Variants in FAM117B observed in about 807,000 individuals in gnomAD.
The protein encoded by FAM117B is protein FAM117B.
A neutral mutation model predicts 52.8 loss-of-function variants in FAM117B; 22 were observed. The observed-to-expected ratio is 0.42, with a 90% CI of 0.30 to 0.59. The LOEUF is 0.59. Among genes scored for constraint, FAM117B ranks in the 20% least tolerant of loss-of-function variants. The pLI is 0.22. For missense variants in FAM117B, 678 were observed against 802.6 expected, an observed-to-expected ratio of 0.84 and a Z score of 1.88; for synonymous variants, 309 against 324.1, an observed-to-expected ratio of 0.95 and a Z score of 0.50.
chr2:202,671,214 T>G (rs1690295091), intron 1 of FAM117B, among the ~76,000 whole-genome samples: 1 of 152,250 alleles, frequency 6.6e-6, no homozygotes, highest in Non-Finnish European at 1.5e-5. Flanking sequence ...AAGAAGACCC[T>G]GAGACAAGGA....
At chr2:202,742,981 ACCACTG>A (rs1433625410) in intron 4 of FAM117B, among the ~76,000 whole-genome samples, 1 of 152,158 alleles carries the variant, frequency 6.6e-6, no homozygotes, top group Non-Finnish European at 1.5e-5. Flanking sequence ...TACTCAGTCC[ACCACTG>A]CTACTGCACT....
At chr2:202,679,335 A>G (rs1462659463) in intron 1 of FAM117B, among the ~76,000 whole-genome samples, 1 of 152,222 alleles carries the variant, frequency 6.6e-6, no homozygotes, top group African/African-American at 2.4e-5. Context: ...GATTTGAGAT[A>G]GGGATTGGAA....
intron 1 of FAM117B, among the ~76,000 whole-genome samples, chr2:202,640,970 G>A (rs181730793): frequency 2.5e-4 from 38 of 152,272 alleles, no homozygotes; most frequent in African/African-American, 9.1e-4. Flanking sequence ...AGACAAAGTA[G>A]AAACTATTAG....
At chr2:202,662,136 G>A (rs116487316) in intron 1 of FAM117B, among the ~76,000 whole-genome samples, 2,518 of 151,686 alleles carry the variant, frequency 0.017, 31 homozygotes, top group Middle Eastern at 0.034. Flanking sequence ...GTGTGTGTGT[G>A]TGTATGTGTG....
Position 202,757,322 on chromosome 2 carries a change from A to T in FAM117B, c.1214A>T (p.Asn405Ile). 1 of 1,614,124 alleles carries T rather than the reference A, an allele frequency of 6.2e-7. No individual in the cohort carries two copies. Among genetic ancestry groups the T allele is most frequent in the Non-Finnish European group, 8.5e-7 (1 of 1,180,034 alleles). Residue 405 changes from asparagine (N) to isoleucine (I), a missense_variant, in exon 6 of 8, where the codon AAC (asparagine) becomes ATC (isoleucine). By Grantham distance (149) the Asn-to-Ile change is moderately radical (BLOSUM62 -3). Around this residue, in one of 3 missense-constraint regions of FAM117B, gnomAD observed 583 missense variants for 644.8 expected, o/e 0.90. Transcript: ENST00000392238. ...CCTGGTGGGGCAGACAGGGGAAGCAACAACAGCAGCCGTTCCCAGTCCGTG... is the reference window on the plus strand; with the variant it reads ...CCTGGTGGGGCAGACAGGGGAAGCATCAACAGCAGCCGTTCCCAGTCCGTG... ...QTPGGADRGS[N>I]NSSRSQSVSP...
Position 202,757,275 on chromosome 2 carries a change from G to A in FAM117B, c.1167G>A (p.Thr389=), listed in dbSNP as rs777127432. The change falls in exon 6 of 8, where the codon ACG becomes ACA. Residue 389 remains threonine (T), a synonymous_variant. Transcript: ENST00000392238. ...PPPLVQRSSS[T]RSIDTQTPGG... ...CCCTTGTACAGAGAAGTAGCAGCAC[G>A]CGCAGCATTGACACACAGACGCCTG... 32 of 1,613,986 alleles carry A rather than the reference G, an allele frequency of 2.0e-5. No individual in the cohort carries two copies. Among genetic ancestry groups the A allele is most frequent in the South Asian group, 2.0e-4 (18 of 91,084 alleles).
chr2:202,726,867 C>T (rs980626079), intron 4 of FAM117B, among the ~76,000 whole-genome samples: 37 of 151,604 alleles, frequency 2.4e-4, no homozygotes, highest in Admixed American at 2.4e-3. Context: ...CAAACCAAAA[C>T]GGCACATGGG....
At chr2:202,744,883 A>G (rs1024328387) in intron 4 of FAM117B, among the ~76,000 whole-genome samples, 2 of 151,352 alleles carry the variant, frequency 1.3e-5, no homozygotes, top group Non-Finnish European at 2.9e-5. Context: ...AGTCTGAGAC[A>G]AGAGAATCAC....
chr2:202,658,652 T>A (rs1459902925), intron 1 of FAM117B, among the ~76,000 whole-genome samples: 1 of 152,194 alleles, frequency 6.6e-6, no homozygotes, highest in Non-Finnish European at 1.5e-5. Flanking sequence ...AATCCTGGGT[T>A]TATTGTTTTA....
In FAM117B at chr2:202,767,055, A is replaced by G. The variant is rs1207882740; in HGVS notation, c.*1291A>G. 6.6e-6 allele frequency: 1 copy of G among 152,454 alleles called. No homozygotes were observed. Among genetic ancestry groups the G allele is most frequent in the Admixed American group, 6.6e-5 (1 of 15,258 alleles). 9.4% of individuals were successfully genotyped at this position (152,454 alleles called of 1,614,324 possible). On this transcript the variant is annotated 3_prime_UTR_variant, in exon 8 of 8. Transcript: ENST00000392238. ...AACGATAAGCACCTTTGAAAACTCCATACAGTTTTGGATTAGGGCTCATCC... is the reference window on the plus strand; with the variant it reads ...AACGATAAGCACCTTTGAAAACTCCGTACAGTTTTGGATTAGGGCTCATCC...
In FAM117B at chr2:202,726,295, C is replaced by A. The variant is rs778395003; in HGVS notation, c.892C>A (p.Arg298=). The change falls in exon 4 of 8, where the codon CGG becomes AGG. Residue 298 remains arginine (R), a synonymous_variant. Transcript: ENST00000392238. The part of the protein sequence containing the change: ...QQLQRSKHSS[R]HHRDKERQSP... ...GTTGCAGAGAAGTAAACACAGCAGT[C>A]GGCATCATCGAGATAAAGAAAGACA... 2 of 1,613,630 alleles carry A rather than the reference C, an allele frequency of 1.2e-6. No homozygotes were observed. The highest frequency in any genetic ancestry group is 2.2e-5 in the South Asian group (2 of 91,002).
chr2:202,662,952 T>C (rs1429161762), intron 1 of FAM117B, among the ~76,000 whole-genome samples: 1 of 152,222 alleles, frequency 6.6e-6, no homozygotes, highest in African/African-American at 2.4e-5. Flanking sequence ...CACACTCTTA[T>C]CCTGTAAACA....
chr2:202,646,136 C>G (rs1208897499), intron 1 of FAM117B, among the ~76,000 whole-genome samples: 1 of 151,608 alleles, frequency 6.6e-6, no homozygotes, highest in Non-Finnish European at 1.5e-5. Context: ...AAGCAATTCT[C>G]CCACCTCAGC....
intron 1 of FAM117B, among the ~76,000 whole-genome samples, chr2:202,674,650 T>C (rs536825060): frequency 1.8e-4 from 28 of 152,368 alleles, no homozygotes; most frequent in African/African-American, 6.3e-4. Context: ...TTTACTACAA[T>C]AGCTACTTAA....
At chr2:202,693,253 A>T (rs1283419344) in intron 1 of FAM117B, among the ~76,000 whole-genome samples, 1 of 152,238 alleles carries the variant, frequency 6.6e-6, no homozygotes, top group Non-Finnish European at 1.5e-5. Flanking sequence ...ATTAGTAATT[A>T]AAACACTAAT....
intron 4 of FAM117B, among the ~76,000 whole-genome samples, chr2:202,753,569 G>T (rs1691756495): frequency 6.6e-6 from 1 of 152,114 alleles, no homozygotes; most frequent in Non-Finnish European, 1.5e-5. Context: ...TCATCAGAGT[G>T]AACAGGCAAC....
chr2:202,652,836 T>G (rs1689977045), intron 1 of FAM117B, among the ~76,000 whole-genome samples: 1 of 152,164 alleles, frequency 6.6e-6, no homozygotes, highest in Non-Finnish European at 1.5e-5. Flanking sequence ...CTTTGGACAT[T>G]CTCTCTAGCA....
intron 4 of FAM117B, among the ~76,000 whole-genome samples, chr2:202,741,416 CAAAAAAAAAAAAAAAAA>C (rs1156278814): frequency 1.1e-4 from 4 of 34,964 alleles, no homozygotes; most frequent in East Asian, 1.3e-3. Context: ...GACTCTGTCT[CAAAAAAAAAAAAAAAAA>C]AAAAAAAAAA....
chr2:202,681,181 T>C (rs962716561), intron 1 of FAM117B, among the ~76,000 whole-genome samples: 1 of 151,584 alleles, frequency 6.6e-6, no homozygotes, highest in Non-Finnish European at 1.5e-5. Flanking sequence ...AAACAAAAAG[T>C]AAAAGAAATA....
Sources: gnomAD v4.1 joint callset for allele counts (sites outside exome capture counted in the v4.1 genomes callset) on GRCh38, gnomAD v4.1.1 for gene constraint, gnomAD v4.1.1 regional missense constraint, MANE v1.5 for transcripts, NCBI Gene and HGNC (gene_info 2026-07-23, HGNC 2026-07-21) for gene names.